The following PCDHA1 variants were observed in gnomAD, a reference collection of about 807,000 sequenced individuals.
PCDHA1 encodes the protein protocadherin alpha 1.
Under a neutral mutation model 61.3 loss-of-function variants are expected in PCDHA1, and 42 were observed. The observed-to-expected ratio is 0.69, with a 90% CI of 0.54 to 0.89. The LOEUF is 0.89. Ranked by LOEUF, PCDHA1 falls within the 40% of genes least tolerant of loss-of-function variation. PCDHA1 has a pLI of 0.00. For missense variants in PCDHA1, 1,256 were observed against 1,235.3 expected (o/e 1.02, Z -0.25); for synonymous variants, 610 against 553.8 (o/e 1.10, Z -1.43).
rs2096251050 is a variant in PCDHA1, at chr5:140,968,498, C to T, written c.2395-10451C>T. 3 of 1,614,190 alleles carry T rather than the reference C, an allele frequency of 1.9e-6. No individual in the cohort carries two copies. The highest frequency in any genetic ancestry group is 2.5e-6 in the Non-Finnish European group (3 of 1,180,042). The stretch of plus-strand genomic sequence containing the variant: ...GGTGGACATGAATGACCATGCCCCT[C>T]ACATTCTGTACCCTACCTCAACCAA... On this transcript the variant is annotated intron_variant, in intron 1 of 3. Coordinates refer to ENST00000504120, the MANE Select transcript of PCDHA1 (RefSeq NM_018900.4).
intron 3 of PCDHA1, among the ~76,000 whole-genome samples, chr5:141,004,253 C>G (rs1460798910): frequency 6.6e-6 from 1 of 152,200 alleles, no homozygotes; most frequent in Non-Finnish European, 1.5e-5. Flanking sequence ...TTTTGTTTTA[C>G]TGGAATGAGT....
At chr5:140,842,733 G>T in intron 1 of PCDHA1, 1 of 1,595,054 alleles carries the variant, frequency 6.3e-7, no homozygotes, top group Middle Eastern at 1.8e-4. Context: ...AACCCGCCGG[G>T]CTGCCACATC....
At chr5:140,928,890 CTT>C in intron 1 of PCDHA1, 1 of 1,614,182 alleles carries the variant, frequency 6.2e-7, no homozygotes, top group South Asian at 1.1e-5. Context: ...TACTTCCAGA[CTT>C]TGAAGATGTC....
At chr5:140,842,700 A>G in intron 1 of PCDHA1, 1 of 1,595,270 alleles carries the variant, frequency 6.3e-7, no homozygotes, top group Non-Finnish European at 8.6e-7. Flanking sequence ...CAGCCCGAGT[A>G]CACGGTGTTC....
At chr5:140,948,942 TA>T (rs34363674) in intron 1 of PCDHA1, among the ~76,000 whole-genome samples, 1 of 151,394 alleles carries the variant, frequency 6.6e-6, no homozygotes, top group Admixed American at 6.6e-5. Context: ...TCTTCTAATA[TA>T]AAAAAATTAA....
At chr5:140,968,640 C>T (rs2096260908) in intron 1 of PCDHA1, 1 of 1,614,038 alleles carries the variant, frequency 6.2e-7, no homozygotes, top group Admixed American at 1.7e-5. Context: ...TACCATCTAG[C>T]CCAGACTTCT....
chr5:140,968,058 G>A lies in PCDHA1; in HGVS notation c.2395-10891G>A, dbSNP rs532963970. On this transcript the variant is annotated intron_variant, in intron 1 of 3. Transcript: ENST00000504120. The stretch of plus-strand genomic sequence containing the variant: ...GTGAGCGGCCCACTGGACCGAGAGC[G>A]GGTGGCTGTCTACAACATCACGGTG... The A allele has an allele frequency of 1.1e-5, 18 of 1,614,088 alleles. No individual in the cohort carries two copies. The highest frequency in any genetic ancestry group is 4.0e-5 in the African/African-American group (3 of 75,026).
chr5:140,863,385 G>T (rs782510264), intron 1 of PCDHA1: 7 of 1,030,746 alleles, frequency 6.8e-6, no homozygotes, highest in Non-Finnish European at 1.0e-5. Context: ...CCGAGAGCTC[G>T]TGCATGCCGG....
At chr5:140,868,967 A>C (rs2050769969) in intron 1 of PCDHA1, 2 of 1,435,752 alleles carry the variant, frequency 1.4e-6, no homozygotes, top group South Asian at 1.4e-5. Flanking sequence ...ATACAAAGGA[A>C]CTCCATCATA....
chr5:140,853,885 T>C (rs1456390498), intron 1 of PCDHA1: 1 of 979,240 alleles, frequency 1.0e-6, no homozygotes, highest in Non-Finnish European at 1.2e-6. Context: ...TTCTGTAATT[T>C]AAAAAGATGT....
intron 1 of PCDHA1, among the ~76,000 whole-genome samples, chr5:140,798,950 C>G (rs1309510759): frequency 2.6e-5 from 4 of 152,170 alleles, no homozygotes; most frequent in Admixed American, 2.0e-4. Flanking sequence ...AGTGATCTTA[C>G]CTTTAGCCAT....
At chr5:140,859,740 G>A (rs2045997689) in intron 1 of PCDHA1, 1 of 154,064 alleles carries the variant, frequency 6.5e-6, no homozygotes. Flanking sequence ...ATTTAAGCAT[G>A]GCATTCTTTC....
rs79233681 is a variant in PCDHA1 at position 140,965,822 on chromosome 5, A to T, written c.2395-13127A>T. Among the ~76,000 whole-genome samples the T allele has an allele frequency of 5.2e-3, 789 of 152,324 alleles. 9 individuals are homozygous for T. The highest frequency in any genetic ancestry group is 0.018 in the African/African-American group (747 of 41,576). On this transcript the variant is annotated intron_variant, in intron 1 of 3. Coordinates refer to ENST00000504120, the MANE Select transcript of PCDHA1 (RefSeq NM_018900.4). The stretch of plus-strand genomic sequence containing the variant: ...TTTTTTTAAACAGAGCATTTTAAAC[A>T]TTTAAATATTGGTTATTTGCCAAGG...
Position 140,786,801 on chromosome 5 carries a change from A to C in PCDHA1, c.511A>C (p.Thr171Pro). ...TGGTGCTAACGCTCTTCTAACGTAC[A>C]CGCTCAGCCCGAGTGATTATTTCTC... ...DIGANALLTY[T>P]LSPSDYFSLD... Residue 171 changes from threonine (T) to proline (P), a missense_variant, in exon 1 of 4, where the codon ACG (threonine) becomes CCG (proline). Physicochemically the swap from Thr to Pro is conservative, Grantham distance 38 (BLOSUM62 -1). Coordinates refer to ENST00000504120, the MANE Select transcript of PCDHA1 (RefSeq NM_018900.4). 3 of 1,614,194 alleles carry C rather than the reference A, an allele frequency of 1.9e-6. No individual in the cohort carries two copies. Among genetic ancestry groups the C allele is most frequent in the Non-Finnish European group, 2.5e-6 (3 of 1,180,016 alleles).
At chr5:140,898,543 A>G (rs1284006764) in intron 1 of PCDHA1, among the ~76,000 whole-genome samples, 2 of 152,224 alleles carry the variant, frequency 1.3e-5, no homozygotes, top group East Asian at 3.9e-4. Flanking sequence ...TGTTCCATTT[A>G]TCTATGTCTC....
At chr5:140,844,212 C>T (rs1554140567) in intron 1 of PCDHA1, among the ~76,000 whole-genome samples, 1 of 149,426 alleles carries the variant, frequency 6.7e-6, no homozygotes, top group African/African-American at 2.4e-5. Context: ...GTCTGGTAGT[C>T]ACAAATATCT....
At chr5:140,868,958 T>C (rs1033698977) in intron 1 of PCDHA1, 1 of 1,397,386 alleles carries the variant, frequency 7.2e-7, no homozygotes, top group African/African-American at 1.4e-5. Context: ...GGCACTCCCA[T>C]ACAAAGGAAC....
intron 1 of PCDHA1, among the ~76,000 whole-genome samples, chr5:140,901,764 G>A (rs1217710808): frequency 6.6e-6 from 1 of 152,120 alleles, no homozygotes; most frequent in Non-Finnish European, 1.5e-5. Context: ...GACAGGGATT[G>A]CATTGAATTT....
At chr5:140,863,261 A>G (rs782771328) in intron 1 of PCDHA1, 17 of 1,449,886 alleles carry the variant, frequency 1.2e-5, no homozygotes, top group Non-Finnish European at 1.4e-5. Context: ...GAGGTCCGGG[A>G]GGCAGCGCTG....
Sources: allele counts gnomAD v4.1 joint callset (sites outside exome capture counted in the v4.1 genomes callset), GRCh38; gene constraint gnomAD v4.1.1; transcripts MANE v1.5; gene names NCBI Gene and HGNC (gene_info 2026-07-23, HGNC 2026-07-21).